The following LRP2 variants were observed in gnomAD, a reference collection of about 807,000 sequenced individuals.
The protein encoded by LRP2 is LDL receptor related protein 2, also known as low-density lipoprotein receptor-related protein 2.
LRP2 carries 172 observed loss-of-function variants against 531.0 expected under a neutral mutation model. The observed-to-expected ratio is 0.32, with a 90% CI of 0.29 to 0.37. The LOEUF (loss-of-function observed/expected upper bound fraction) is 0.37, where lower values mean the gene tolerates loss of function less well. Among genes scored for constraint, LRP2 ranks in the 10% least tolerant of loss-of-function variants. LRP2 has a pLI of 1.00. For missense variants in LRP2, 5,167 were observed against 5,868.3 expected, an observed-to-expected ratio of 0.88 and a Z score of 3.90; for synonymous variants, 1,992 against 2,027.6, an observed-to-expected ratio of 0.98 and a Z score of 0.47.
At chr2:169,233,389 G>A (rs1400859582) in intron 30 of LRP2, 22 bp downstream of exon 30, 7 of 1,613,854 alleles carry the variant, frequency 4.3e-6, no homozygotes, top group Admixed American at 1.7e-5. Context: ...TCCCAGGCAG[G>A]ATGTTTCTCT....
At chr2:169,189,323 G>A (rs1687750695) in intron 48 of LRP2, among the ~76,000 whole-genome samples, 2 of 152,168 alleles carry the variant, frequency 1.3e-5, no homozygotes, top group Non-Finnish European at 2.9e-5. Flanking sequence ...TAAACCCAGG[G>A]CCTTGTCAAC....
chr2:169,270,389 A>T (rs961944569), intron 16 of LRP2, among the ~76,000 whole-genome samples: 25 of 152,182 alleles, frequency 1.6e-4, no homozygotes, highest in African/African-American at 6.0e-4. Flanking sequence ...GGATTAAGAA[A>T]ATGTGTTACA....
chr2:169,270,234 G>C (rs1683366730), intron 16 of LRP2, among the ~76,000 whole-genome samples: 1 of 152,128 alleles, frequency 6.6e-6, no homozygotes, highest in South Asian at 2.1e-4. Context: ...AATAACATTT[G>C]ACCCAGCCAT....
intron 21 of LRP2, among the ~76,000 whole-genome samples, chr2:169,245,532 A>G (rs1574175302): frequency 6.6e-6 from 1 of 152,200 alleles, no homozygotes; most frequent in East Asian, 1.9e-4. Context: ...TTTCTCTCCA[A>G]AAGAAAGGTT....
At chr2:169,307,135 A>T in intron 4 of LRP2, 146 bp downstream of exon 4, 3 of 706,714 alleles carry the variant, frequency 4.2e-6, no homozygotes, top group Non-Finnish European at 7.8e-6. Flanking sequence ...ATCACCCCTA[A>T]TCCACAAAAG....
At chr2:169,188,859 G>A (rs980807455) in intron 48 of LRP2, among the ~76,000 whole-genome samples, 5 of 152,148 alleles carry the variant, frequency 3.3e-5, no homozygotes, top group Non-Finnish European at 5.9e-5. Context: ...CGTTTACATT[G>A]TCAGTCCTGT....
chr2:169,338,888 T>TG (rs1685491976), intron 1 of LRP2, among the ~76,000 whole-genome samples: 1 of 152,224 alleles, frequency 6.6e-6, no homozygotes. Flanking sequence ...TCTTACTAAC[T>TG]ATCTGACAGC....
chr2:169,185,323 G>T (rs573128742), intron 50 of LRP2, among the ~76,000 whole-genome samples, 180 bp downstream of exon 50: 1 of 152,228 alleles, frequency 6.6e-6, no homozygotes, highest in African/African-American at 2.4e-5. Context: ...AAAATAATTA[G>T]ATATTCTGTT....
rs151264922 is a variant in LRP2 at position 169,152,248 on chromosome 2, C to T, written c.12461+551G>A. On this transcript the variant is annotated intron_variant, in intron 67 of 78. Transcript: ENST00000649046. ...AGAAGAACAGAAGAGACTGACACCT[C>T]TATTAACTCAATTCCAAAGACTTCT... Among the ~76,000 whole-genome samples, 977 of 152,288 alleles carry T rather than the reference C, an allele frequency of 6.4e-3. 2 individuals carry two copies. The highest frequency in any genetic ancestry group is 0.011 in the Non-Finnish European group (743 of 68,016).
At chr2:169,187,842 A>T (rs1029236725) in intron 49 of LRP2, 128 bp downstream of exon 49, 5 of 1,037,120 alleles carry the variant, frequency 4.8e-6, no homozygotes, top group Non-Finnish European at 7.5e-6. Flanking sequence ...CTTTTGCTAT[A>T]TCAGGAATAG....
At position 169,247,513 on chromosome 2, in the gene LRP2, G is replaced by A. The variant is rs1690058108; in HGVS notation, c.2773C>T (p.His925Tyr). ...AGTCTCCAGTCAGTAAAAAATAAAT[G>A]CTCTGAAAAGAAACATGGGTAGATT... ...HPFGLAIFGE[H>Y]LFFTDWRLGA... is the part of the protein sequence containing the mutation. The change falls in exon 20 of 79, where the codon CAT (histidine) becomes TAT (tyrosine). Residue 925 changes from histidine (H) to tyrosine (Y), a missense_variant and splice_region_variant. Coordinates refer to ENST00000649046, the MANE Select transcript of LRP2 (RefSeq NM_004525.3). The A allele has an allele frequency of 6.2e-7, 1 of 1,613,900 alleles. No individual in the cohort carries two copies.
chr2:169,360,128 C>CAAA (rs67818940), intron 1 of LRP2, among the ~76,000 whole-genome samples: 179 of 104,830 alleles, frequency 1.7e-3, no homozygotes, highest in African/African-American at 3.6e-3. Context: ...CTGTCTCTCT[C>CAAA]AAAAAAAAAA....
intron 61 of LRP2, among the ~76,000 whole-genome samples, chr2:169,167,672 C>T (rs577483460): frequency 1.3e-5 from 2 of 152,046 alleles, no homozygotes; most frequent in South Asian, 4.2e-4. Context: ...CATGAATTTG[C>T]ATTTCTAACA....
chr2:169,129,768 GCCCATAA>G (rs1685219431), intron 77 of LRP2, among the ~76,000 whole-genome samples: 2 of 152,142 alleles, frequency 1.3e-5, no homozygotes. Flanking sequence ...GGACCCAGAG[GCCCATAA>G]ACTGGAGAAC....
chr2:169,231,627 A>T, intron 31 of LRP2, 87 bp downstream of exon 31: 5 of 1,517,696 alleles, frequency 3.3e-6, no homozygotes, highest in Non-Finnish European at 4.6e-6. Flanking sequence ...GCACATGTTC[A>T]GTCGCAATTG....
intron 13 of LRP2, among the ~76,000 whole-genome samples, chr2:169,275,574 T>G (rs936659083): frequency 6.6e-6 from 1 of 152,154 alleles, no homozygotes; most frequent in East Asian, 1.9e-4. Context: ...AGATGTGAAA[T>G]AGCATTTTGA....
At chr2:169,289,990 G>A (rs1020243325) in intron 8 of LRP2, among the ~76,000 whole-genome samples, 2 of 152,078 alleles carry the variant, frequency 1.3e-5, no homozygotes, top group African/African-American at 4.8e-5. Context: ...GCACTTCTAG[G>A]CAATCACAAA....
Position 169,152,908 on chromosome 2 carries a change from C to T in LRP2, c.12352G>A (p.Ala4118Thr). 6.2e-7 allele frequency: 1 copy of T among 1,614,064 alleles called. No individual in the cohort carries two copies. Among genetic ancestry groups the T allele is most frequent in the Admixed American group, 1.7e-5 (1 of 60,026 alleles). ...CCGGATTCAAAGTTGGGGATGTAGG[C>T]ACGTTTGATAGCACCAAACCTAGAG... is the stretch of plus-strand genomic sequence containing the variant. Reference protein sequence around the residue: ...EGSRFGAIKRAYIPNFESGRN... With the variant: ...EGSRFGAIKRTYIPNFESGRN... The change falls in exon 67 of 79, where the codon GCC becomes ACC. Residue 4118 changes from alanine (A) to threonine (T), a missense_variant. Physicochemically the swap from Ala to Thr is moderately conservative, Grantham distance 58. Around this residue, in one of 6 missense-constraint regions of LRP2, gnomAD observed 564 missense variants for 747.7 expected, o/e 0.75. Coordinates refer to ENST00000649046, the MANE Select transcript of LRP2 (RefSeq NM_004525.3).
chr2:169,323,422 T>C (rs976513265), intron 1 of LRP2, among the ~76,000 whole-genome samples: 2 of 152,172 alleles, frequency 1.3e-5, no homozygotes, highest in African/African-American at 4.8e-5. Context: ...ATAAAGGGAA[T>C]ATGTGTTGTT....
Sources: allele counts gnomAD v4.1 joint callset (sites outside exome capture counted in the v4.1 genomes callset), GRCh38; gene constraint gnomAD v4.1.1; regional missense constraint gnomAD v4.1.1; transcripts MANE v1.5; gene names NCBI Gene and HGNC (gene_info 2026-07-23, HGNC 2026-07-21).